The following ZFHX3 variants were observed in gnomAD, a reference collection of about 807,000 sequenced individuals.
ZFHX3 encodes the protein zinc finger homeobox 3, also known as zinc finger homeobox protein 3.
ZFHX3 carries 42 observed loss-of-function variants against 279.1 expected under a neutral mutation model. The ratio of observed to expected loss-of-function variants is 0.15; its 90% CI spans 0.12 to 0.19. The LOEUF (loss-of-function observed/expected upper bound fraction) is 0.19, where lower values mean the gene tolerates loss of function less well. ZFHX3 is among the 10% of genes least tolerant of loss of function. The probability of loss-of-function intolerance (pLI) is 1.00; values close to 1 mark genes in which losing one functional copy is unlikely to be tolerated. For synonymous variants in ZFHX3, 2,293 were observed against 1,957.8 expected (o/e 1.17, Z -4.52); for missense variants, 4,981 against 4,754.0 (o/e 1.05, Z -1.40).
chr16:73,416,061 G>A (rs1210955312), intron 3 of ZFHX3, among the ~76,000 whole-genome samples: 1 of 148,888 alleles, frequency 6.7e-6, no homozygotes, highest in African/African-American at 2.5e-5. Context: ...TGGAGGTTGT[G>A]CTGAGCCGAG....
chr16:73,114,048 G>A lies in ZFHX3; in HGVS notation c.-897+16920C>T, dbSNP rs150323957. ...CCTGACCTTGTGATCTGCTCGCCTC[G>A]GCCTCCCAAAGTGCTGGGATTACCG... On this transcript the variant is annotated intron_variant, in intron 7 of 17. Coordinates refer to the ZFHX3 transcript ENST00000641206. Among the ~76,000 whole-genome samples, 380 of 151,650 alleles carry A rather than the reference G, an allele frequency of 2.5e-3. 3 individuals carry two copies. The highest frequency in any genetic ancestry group is 8.3e-3 in the African/African-American group (343 of 41,368).
chr16:73,837,370 A>T (rs1961169929), intron 1 of ZFHX3, among the ~76,000 whole-genome samples: 1 of 152,260 alleles, frequency 6.6e-6, no homozygotes, highest in Admixed American at 6.5e-5. Flanking sequence ...TTTGACTAAC[A>T]GGCTGTGATC....
intron 1 of ZFHX3, among the ~76,000 whole-genome samples, chr16:73,700,507 A>G: frequency 6.6e-6 from 1 of 152,240 alleles, no homozygotes; most frequent in East Asian, 1.9e-4. Context: ...TTTGTAGAAT[A>G]CATGTTATTT....
intron 1 of ZFHX3, among the ~76,000 whole-genome samples, chr16:73,831,133 C>T (rs932634590): frequency 3.3e-5 from 5 of 152,174 alleles, no homozygotes; most frequent in African/African-American, 9.7e-5. Context: ...AGAGCTTCTC[C>T]AGGCAGGCAA....
intron 2 of ZFHX3, among the ~76,000 whole-genome samples, chr16:73,628,681 C>G (rs569507486): frequency 6.6e-6 from 1 of 152,274 alleles, no homozygotes; most frequent in African/African-American, 2.4e-5. Flanking sequence ...TATTGGTAAA[C>G]CTCCAAGTTT....
rs116973155 is a variant in ZFHX3 at position 73,669,719 on chromosome 16, G to A, written c.-1547+10461C>T. ...ACTAGCTCTAGGATGTACAGAAACT[G>A]CTTTCACTTTAGTTTCAACTAAGCT... On this transcript the variant is annotated intron_variant, in intron 2 of 17. Transcript: ENST00000641206. Among the ~76,000 whole-genome samples, 31 of 152,292 alleles carry A rather than the reference G, an allele frequency of 2.0e-4. No individual in the cohort carries two copies. In the East Asian group the frequency reaches 6.0e-3, roughly 29 times the overall value.
chr16:72,802,279 A>T (rs1299667983), intron 7 of ZFHX3, among the ~76,000 whole-genome samples: 1 of 149,608 alleles, frequency 6.7e-6, no homozygotes, highest in African/African-American at 2.5e-5. Flanking sequence ...GGCAAAAAAG[A>T]AAAAAAAAAG....
chr16:73,741,199 T>A (rs2053654786), intron 1 of ZFHX3, among the ~76,000 whole-genome samples: 1 of 152,086 alleles, frequency 6.6e-6, no homozygotes, highest in Non-Finnish European at 1.5e-5. Context: ...CCCAGCTAAT[T>A]TTTGTAAAAA....
chr16:73,516,021 G>T (rs1447602927), intron 2 of ZFHX3, among the ~76,000 whole-genome samples: 1 of 152,168 alleles, frequency 6.6e-6, no homozygotes, highest in East Asian at 1.9e-4. Flanking sequence ...TATATTCAAA[G>T]ACAGAGAACA....
At chr16:73,167,476 CAAGACTAGTGAAATGTGCTGATATTTT>C (rs1245251307) in intron 5 of ZFHX3, among the ~76,000 whole-genome samples, 2 of 152,134 alleles carry the variant, frequency 1.3e-5, no homozygotes, top group Non-Finnish European at 2.9e-5. Context: ...ATGAGTAACC[CAAGACTAGTGAAATGTGCTGATATTTT>C]AACTGTTTCA....
intron 1 of ZFHX3, among the ~76,000 whole-genome samples, chr16:73,719,816 A>G (rs925579729): frequency 3.9e-4 from 3 of 7,696 alleles, no homozygotes; most frequent in African/African-American, 5.2e-4. Context: ...TATTTTTAGT[A>G]GAGACAGGGT....
At chr16:73,712,458 T>A (rs1179956094) in intron 1 of ZFHX3, among the ~76,000 whole-genome samples, 2 of 152,196 alleles carry the variant, frequency 1.3e-5, no homozygotes, top group African/African-American at 2.4e-5. Context: ...AGGCTAAAGT[T>A]ATCCTTCTCG....
At chr16:73,843,289 C>T (rs948938804) in intron 1 of ZFHX3, among the ~76,000 whole-genome samples, 5 of 152,222 alleles carry the variant, frequency 3.3e-5, no homozygotes, top group African/African-American at 1.2e-4. Flanking sequence ...GCCTAGGCTC[C>T]TTCCGTGTGC....
intron 1 of ZFHX3, among the ~76,000 whole-genome samples, chr16:73,791,173 C>T (rs1170991718): frequency 6.6e-6 from 1 of 152,104 alleles, no homozygotes; most frequent in Non-Finnish European, 1.5e-5. Flanking sequence ...CTGTGTTGCC[C>T]AGGCTGGTCT....
chr16:73,531,223 C>A (rs745361932), intron 2 of ZFHX3, among the ~76,000 whole-genome samples: 2 of 152,164 alleles, frequency 1.3e-5, no homozygotes, highest in African/African-American at 4.8e-5. Flanking sequence ...CCCTCAGTGC[C>A]GCTAAATATA....
At chr16:73,404,487 C>A (rs41325148) in intron 3 of ZFHX3, among the ~76,000 whole-genome samples, 4 of 152,164 alleles carry the variant, frequency 2.6e-5, no homozygotes, top group African/African-American at 7.2e-5. Flanking sequence ...TAGGAAATTA[C>A]AAGTCTAAGC....
rs576061258 is a variant in ZFHX3 at position 73,534,737 on chromosome 16, G to A, written c.-1546-78479C>T. 1.1e-4 allele frequency among the ~76,000 whole-genome samples: 16 copies of A among 152,266 alleles called. No individual in the cohort carries two copies. In the East Asian group the frequency reaches 1.5e-3, roughly 15 times the overall value. On this transcript the variant is annotated intron_variant, in intron 2 of 17. Coordinates refer to the ZFHX3 transcript ENST00000641206. The stretch of plus-strand genomic sequence containing the variant: ...CCACACCATCACTACCGCCATCATC[G>A]TAATCGTCACAGTTGCCAAATTGTG...
At chr16:73,138,422 A>T (rs1455378328) in intron 6 of ZFHX3, among the ~76,000 whole-genome samples, 1 of 152,172 alleles carries the variant, frequency 6.6e-6, no homozygotes, top group East Asian at 1.9e-4. Context: ...TGAAGACTGG[A>T]TCTGTCCGCT....
chr16:73,847,047 A>T (rs939007828), intron 1 of ZFHX3, among the ~76,000 whole-genome samples: 1 of 152,160 alleles, frequency 6.6e-6, no homozygotes, highest in Non-Finnish European at 1.5e-5. Flanking sequence ...CACGCCTGTA[A>T]TCCCAACATT....
Sources: gnomAD v4.1 joint callset for allele counts (sites outside exome capture counted in the v4.1 genomes callset) on GRCh38, gnomAD v4.1.1 for gene constraint, MANE v1.5 for transcripts, NCBI Gene and HGNC (gene_info 2026-07-23, HGNC 2026-07-21) for gene names.